Variants in JPT1 observed in about 807,000 individuals in gnomAD.
JPT1 encodes the protein Jupiter microtubule associated homolog 1, also known as androgen-regulated protein 2.
In JPT1, 5 loss-of-function variants were observed where a neutral mutation model predicts 17.0. The observed-to-expected ratio is 0.29, with a 90% CI of 0.15 to 0.62. The LOEUF (loss-of-function observed/expected upper bound fraction) is 0.62, where lower values mean the gene tolerates loss of function less well. Ranked by LOEUF, JPT1 falls within the 20% of genes least tolerant of loss-of-function variation. The pLI, the probability that JPT1 is intolerant of heterozygous loss-of-function variation, is 0.85. For missense variants in JPT1, 158 were observed against 188.1 expected (o/e 0.84, Z 0.94); for synonymous variants, 71 against 73.6 (o/e 0.96, Z 0.18).
chr17:75,140,801 A>G (rs2074293385), intron 4 of JPT1, among the ~76,000 whole-genome samples: 2 of 152,000 alleles, frequency 1.3e-5, no homozygotes, highest in African/African-American at 4.8e-5. Flanking sequence ...TACAGAAACT[A>G]CAAAAATTGG....
chr17:75,139,147 AC>A (rs1251541509), intron 4 of JPT1, among the ~76,000 whole-genome samples: 1 of 152,130 alleles, frequency 6.6e-6, no homozygotes, highest in Non-Finnish European at 1.5e-5. Context: ...GAAAAACAAA[AC>A]TCCACATTTA....
chr17:75,144,433 G>C (rs2074385041), intron 4 of JPT1, among the ~76,000 whole-genome samples: 1 of 151,962 alleles, frequency 6.6e-6, no homozygotes, highest in African/African-American at 2.4e-5. Flanking sequence ...GATTGCTTCA[G>C]CTCAGGAGTT....
intron 4 of JPT1, among the ~76,000 whole-genome samples, chr17:75,137,084 A>T (rs1014896914): frequency 2.0e-5 from 3 of 152,016 alleles, no homozygotes; most frequent in African/African-American, 7.3e-5. Context: ...CAAATCCCTC[A>T]CCTCACTGTC....
intron 4 of JPT1, chr17:75,146,014 G>A (rs1472906260): frequency 6.6e-6 from 1 of 152,144 alleles, no homozygotes; most frequent in Non-Finnish European, 1.5e-5. Context: ...AGGAGGTTGA[G>A]GCCACAGTAA....
chr17:75,146,647 G>C lies in JPT1; in HGVS notation c.316+19C>G. The C allele has an allele frequency of 1.3e-6, 2 of 1,530,514 alleles. No homozygotes were observed. The highest frequency in any genetic ancestry group is 1.8e-6 in the Non-Finnish European group (2 of 1,126,522). The allele number at this position is 1,530,514 out of a possible 1,614,324, so 94.8% of individuals were successfully genotyped here. On this transcript the variant is annotated intron_variant, in intron 4 of 4. Coordinates refer to ENST00000409753, the MANE Select transcript of JPT1 (RefSeq NM_016185.4). ...AAACCATGGACAGAGCCAGAAATTT[G>C]GTCTTCAGAAGTACTTACCATGAAT...
At chr17:75,148,048 T>C in intron 2 of JPT1, 1 of 225,612 alleles carries the variant, frequency 4.4e-6, no homozygotes, top group Non-Finnish European at 8.9e-6. Flanking sequence ...CGTTATGTGT[T>C]AGTCTCACAT....
rs202245320 is a variant in JPT1, at chr17:75,151,347, GATA to G, written c.57-2679_57-2677del. On this transcript the variant is annotated intron_variant, in intron 1 of 4. Coordinates refer to ENST00000409753, the MANE Select transcript of JPT1 (RefSeq NM_016185.4). Reference sequence around the variant, plus strand: ...TGAGACTCCGTCTCAAAATAATAATGATAATAATAATAATAATAATAAAATTAA... The same window carrying G: ...TGAGACTCCGTCTCAAAATAATAATGATAATAATAATAATAATAAAATTAA... Among the ~76,000 whole-genome samples the G allele has an allele frequency of 5.5e-3, 820 of 150,220 alleles. 1 individual carries two copies. Among genetic ancestry groups the G allele is most frequent in the Non-Finnish European group, 7.7e-3 (517 of 67,542 alleles).
intron 1 of JPT1, chr17:75,153,387 C>G (rs1363836265): frequency 2.6e-5 from 4 of 152,216 alleles, no homozygotes; most frequent in Middle Eastern, 3.2e-3. Flanking sequence ...AAAAATCCCC[C>G]GCTTCCCAGG....
At chr17:75,151,141 C>A (rs553000657) in intron 1 of JPT1, among the ~76,000 whole-genome samples, 2 of 151,734 alleles carry the variant, frequency 1.3e-5, no homozygotes, top group African/African-American at 4.8e-5. Context: ...CGTGAGCCAC[C>A]GCGCCCGGCC....
Position 75,147,565 on chromosome 17 carries a change from TAAG to T in JPT1, c.285_287del (p.Phe95del). On this transcript the variant is annotated inframe_deletion, in exon 3 of 5. Transcript: ENST00000409753. The stretch of plus-strand genomic sequence containing the variant: ...ATGCTGTCACACTGACCTTCAGATC[TAAG>T]AAGTCTCCGGAGCTTGCTTCAGAGG... 1 of 1,612,624 alleles carries T rather than the reference TAAG, an allele frequency of 6.2e-7. No homozygotes were observed. Among genetic ancestry groups the T allele is most frequent in the Non-Finnish European group, 8.5e-7 (1 of 1,178,692 alleles).
chr17:75,145,493 C>G (rs117198313), intron 4 of JPT1: 1 of 152,124 alleles, frequency 6.6e-6, no homozygotes, highest in African/African-American at 2.4e-5. Context: ...ACCTATAATT[C>G]GTAATATGGT....
At chr17:75,144,522 A>T (rs932537817) in intron 4 of JPT1, among the ~76,000 whole-genome samples, 2 of 151,878 alleles carry the variant, frequency 1.3e-5, no homozygotes, top group Non-Finnish European at 2.9e-5. Flanking sequence ...GAAAAAAATA[A>T]AAAAAAATGT....
intron 4 of JPT1, chr17:75,138,288 T>A (rs536453343): frequency 5.3e-5 from 8 of 152,284 alleles, no homozygotes; most frequent in African/African-American, 1.9e-4. Context: ...ATAGCAAGTT[T>A]ATTTCAGTGT....
At chr17:75,147,191 A>G (rs902999256) in intron 3 of JPT1, among the ~76,000 whole-genome samples, 4 of 152,196 alleles carry the variant, frequency 2.6e-5, no homozygotes, top group Non-Finnish European at 5.9e-5. Context: ...TGGTGGCAGT[A>G]TTCAACTGCA....
chr17:75,140,762 C>A (rs2074292436), intron 4 of JPT1, among the ~76,000 whole-genome samples: 1 of 151,830 alleles, frequency 6.6e-6, no homozygotes, highest in South Asian at 2.1e-4. Context: ...CCAGGACCAG[C>A]CGGGGGAAAC....
At chr17:75,136,362 C>T (rs2145153543) in intron 4 of JPT1, 112 bp from the exon 5 acceptor site, 1 of 1,046,612 alleles carries the variant, frequency 9.6e-7, no homozygotes, top group East Asian at 2.5e-5. Context: ...GGAAACATAC[C>T]TAAAAGCATA....
intron 1 of JPT1, among the ~76,000 whole-genome samples, chr17:75,150,014 T>G (rs551773376): frequency 6.6e-6 from 1 of 152,294 alleles, no homozygotes; most frequent in East Asian, 1.9e-4. Flanking sequence ...TAACTACCCA[T>G]GAGGGCAAAG....
At chr17:75,142,106 C>T (rs866642932) in intron 4 of JPT1, among the ~76,000 whole-genome samples, 2 of 152,014 alleles carry the variant, frequency 1.3e-5, no homozygotes, top group Non-Finnish European at 2.9e-5. Flanking sequence ...GAAAAGGGAA[C>T]AGAATTATTA....
intron 4 of JPT1, chr17:75,142,609 G>A (rs1413380629): frequency 3.5e-5 from 8 of 229,352 alleles, no homozygotes; most frequent in Non-Finnish European, 6.4e-5. Context: ...GAGGGGAAGG[G>A]GGAGAGAGGA....
Sources: allele counts gnomAD v4.1 joint callset (sites outside exome capture counted in the v4.1 genomes callset), GRCh38; gene constraint gnomAD v4.1.1; transcripts MANE v1.5; gene names NCBI Gene and HGNC (gene_info 2026-07-23, HGNC 2026-07-21).